MGLL: variants seen among roughly 807,000 people sequenced by gnomAD.
MGLL encodes monoglyceride lipase.
MGLL carries 7 observed loss-of-function variants against 29.1 expected under a neutral mutation model. The observed-to-expected ratio is 0.24, with a 90% confidence interval of 0.14 to 0.45. MGLL has a LOEUF of 0.45. Among genes scored for constraint, MGLL ranks in the 20% least tolerant of loss-of-function variants. The pLI is 0.99. For synonymous variants in MGLL, 148 were observed against 168.3 expected (o/e 0.88, Z 0.93); for missense variants, 356 against 413.6 (o/e 0.86, Z 1.21).
chr3:127,734,784 A>C (rs749542720), intron 3 of MGLL, among the ~76,000 whole-genome samples: 192 of 152,232 alleles, frequency 1.3e-3, no homozygotes, highest in Non-Finnish European at 2.4e-3. Context: ...ATCTCTCCTC[A>C]GGTGACTAAG....
rs11433015 is a variant in MGLL at position 127,692,094 on chromosome 3, ATTTTTTTT to A, written c.*96_*103del. 14 of 709,162 alleles carry A rather than the reference ATTTTTTTT, an allele frequency of 2.0e-5. No homozygotes were observed. The highest frequency in any genetic ancestry group is 7.2e-5 in the African/African-American group (3 of 41,446). The allele number at this position is 709,162 out of a possible 1,614,324, so 43.9% of individuals were successfully genotyped here. On this transcript the variant is annotated 3_prime_UTR_variant, in exon 8 of 8. Transcript: ENST00000265052. ...GTGCTAAGGATTTCTCCAATTTCTG[ATTTTTTTT>A]TTTTTTTTTTTTTGGCAAGCCATAT...
intron 2 of MGLL, among the ~76,000 whole-genome samples, chr3:127,797,912 C>T (rs930422866): frequency 6.6e-6 from 1 of 152,130 alleles, no homozygotes; most frequent in African/African-American, 2.4e-5. Flanking sequence ...CCTGGCCCAC[C>T]GTACCTGGCC....
intron 3 of MGLL, among the ~76,000 whole-genome samples, chr3:127,763,899 A>G (rs2076810667): frequency 6.6e-6 from 1 of 152,190 alleles, no homozygotes; most frequent in Middle Eastern, 3.2e-3. Flanking sequence ...CTCAGTGTGC[A>G]GTCTCAGCTG....
chr3:127,810,451 T>G (rs2077642111), intron 2 of MGLL, among the ~76,000 whole-genome samples: 1 of 152,210 alleles, frequency 6.6e-6, no homozygotes, highest in South Asian at 2.1e-4. Context: ...CTCACTTCCA[T>G]GCCTGTGAGA....
intron 6 of MGLL, among the ~76,000 whole-genome samples, chr3:127,698,409 G>A (rs1482080028): frequency 2.0e-5 from 3 of 152,202 alleles, no homozygotes. Flanking sequence ...GAAGGAGATA[G>A]CCAGGCCCCT....
At chr3:127,817,536 C>T (rs971526359) in intron 2 of MGLL, among the ~76,000 whole-genome samples, 13 of 152,170 alleles carry the variant, frequency 8.5e-5, no homozygotes, top group Admixed American at 2.6e-4. Context: ...TCCTTCATGC[C>T]GGGCCTTGCA....
At chr3:127,749,281 T>C (rs935821336) in intron 3 of MGLL, among the ~76,000 whole-genome samples, 7 of 152,236 alleles carry the variant, frequency 4.6e-5, no homozygotes, top group African/African-American at 1.7e-4. Context: ...AACTTCATCC[T>C]GGAACCTCCC....
chr3:127,710,403 C>G (rs999481380), intron 6 of MGLL, among the ~76,000 whole-genome samples, 173 bp downstream of exon 6: 1 of 152,212 alleles, frequency 6.6e-6, no homozygotes, highest in African/African-American at 2.4e-5. Context: ...GCCAACCCAC[C>G]CTTTTCACCC....
intron 3 of MGLL, among the ~76,000 whole-genome samples, chr3:127,746,116 G>C (rs1413515634): frequency 6.6e-6 from 1 of 152,160 alleles, no homozygotes; most frequent in Non-Finnish European, 1.5e-5. Context: ...GCACCGGCCA[G>C]GGAGACTGGG....
chr3:127,704,194 GA>G (rs1418720981), intron 6 of MGLL, among the ~76,000 whole-genome samples: 1 of 152,138 alleles, frequency 6.6e-6, no homozygotes, highest in Non-Finnish European at 1.5e-5. Flanking sequence ...ATTTAAACTG[GA>G]CCCCTTCCTT....
intron 7 of MGLL, among the ~76,000 whole-genome samples, chr3:127,693,879 G>A (rs756126237): frequency 7.9e-5 from 12 of 152,200 alleles, no homozygotes; most frequent in Non-Finnish European, 1.5e-4. Flanking sequence ...CAATCTTAGC[G>A]GACTCCTTTC....
intron 2 of MGLL, among the ~76,000 whole-genome samples, chr3:127,795,031 C>T (rs967970493): frequency 6.6e-6 from 1 of 152,198 alleles, no homozygotes; most frequent in African/African-American, 2.4e-5. Flanking sequence ...TGGGTATATA[C>T]CCAAAGGAAA....
chr3:127,750,772 G>GA (rs1482068136), intron 3 of MGLL, among the ~76,000 whole-genome samples: 3 of 152,126 alleles, frequency 2.0e-5, no homozygotes, highest in African/African-American at 7.2e-5. Flanking sequence ...GTCATGAGGG[G>GA]AAAAAAATAA....
intron 3 of MGLL, among the ~76,000 whole-genome samples, chr3:127,727,948 A>G (rs1305851812): frequency 6.6e-6 from 1 of 152,216 alleles, no homozygotes; most frequent in East Asian, 1.9e-4. Flanking sequence ...ATATAGTTCA[A>G]TCATAATATG....
At chr3:127,767,070 CAAAAA>C (rs11293851) in intron 3 of MGLL, among the ~76,000 whole-genome samples, 14 of 151,518 alleles carry the variant, frequency 9.2e-5, no homozygotes, top group East Asian at 5.8e-4. Flanking sequence ...GAGACTCTAT[CAAAAA>C]AAAAAACAAA....
intron 2 of MGLL, among the ~76,000 whole-genome samples, chr3:127,794,649 A>T (rs2077355810): frequency 6.6e-6 from 1 of 152,174 alleles, no homozygotes; most frequent in South Asian, 2.1e-4. Context: ...ATGATGTCAA[A>T]CTGTCTTCCA....
chr3:127,771,019 A>G (rs1160995817), intron 3 of MGLL, among the ~76,000 whole-genome samples: 1 of 152,222 alleles, frequency 6.6e-6, no homozygotes, highest in South Asian at 2.1e-4. Context: ...CCAAGGTCAC[A>G]AGACTGAATG....
chr3:127,708,017 C>T (rs909253245), intron 6 of MGLL, among the ~76,000 whole-genome samples: 9 of 152,232 alleles, frequency 5.9e-5, no homozygotes, highest in East Asian at 1.9e-4. Context: ...CCTGCACCCT[C>T]GATTCCCGGC....
chr3:127,794,910 A>G (rs1439331674), intron 2 of MGLL, among the ~76,000 whole-genome samples: 2 of 152,232 alleles, frequency 1.3e-5, no homozygotes, highest in Admixed American at 6.5e-5. Flanking sequence ...AAGAAAGTTA[A>G]TGTGTGTCTA....
Sources: allele counts gnomAD v4.1 joint callset (sites outside exome capture counted in the v4.1 genomes callset), GRCh38; gene constraint gnomAD v4.1.1; transcripts MANE v1.5; gene names NCBI Gene and HGNC (gene_info 2026-07-23, HGNC 2026-07-21).